The following FAM107B variants were observed in gnomAD, a reference collection of about 807,000 sequenced individuals.
FAM107B encodes protein FAM107B.
Under a neutral mutation model 31.5 loss-of-function variants are expected in FAM107B, and 21 were observed. The observed-to-expected ratio is 0.67, with a 90% CI of 0.47 to 0.96. FAM107B has a LOEUF of 0.96. Among genes scored for constraint, FAM107B ranks in the 40% least tolerant of loss-of-function variants. The pLI, the probability that FAM107B is intolerant of heterozygous loss-of-function variation, is 0.00. For missense variants in FAM107B, 452 were observed against 377.1 expected, an observed-to-expected ratio of 1.20 and a Z score of -1.64; for synonymous variants, 157 against 141.5, an observed-to-expected ratio of 1.11 and a Z score of -0.78.
chr10:14,628,112 GTTTTT>G (rs71505033), intron 2 of FAM107B, among the ~76,000 whole-genome samples: 2 of 92,688 alleles, frequency 2.2e-5, no homozygotes, highest in African/African-American at 7.7e-5. Context: ...TGTTTTGCTG[GTTTTT>G]TTTTTTTTTT....
intron 2 of FAM107B, among the ~76,000 whole-genome samples, chr10:14,600,486 A>C (rs1475636825): frequency 2.8e-5 from 4 of 145,250 alleles, no homozygotes; most frequent in Non-Finnish European, 6.0e-5. Flanking sequence ...CCACCCTGAC[A>C]TTTCCACCAT....
chr10:14,533,170 C>A (rs573196673), intron 2 of FAM107B, among the ~76,000 whole-genome samples: 1 of 152,134 alleles, frequency 6.6e-6, no homozygotes, highest in East Asian at 1.9e-4. Flanking sequence ...AGGTTTAGAA[C>A]GGGCTGCAGG....
At chr10:14,769,534 G>A (rs578177526) in intron 1 of FAM107B, among the ~76,000 whole-genome samples, 10 of 152,150 alleles carry the variant, frequency 6.6e-5, no homozygotes, top group Admixed American at 5.9e-4. Flanking sequence ...ACGGGCGCCC[G>A]CCACCACGAC....
In FAM107B at chr10:14,530,447, C is replaced by G. The variant is rs1168992062; in HGVS notation, c.538G>C (p.Asp180His). The change falls in exon 3 of 5, where the codon GAC (aspartate) becomes CAC (histidine). Residue 180 changes from aspartate to histidine, a missense_variant. Physicochemically the swap from Asp to His is moderately conservative, Grantham distance 81. Coordinates refer to ENST00000181796, the MANE Select transcript of FAM107B (RefSeq NM_031453.4). ...TCAGGATTGTCATCTTCTATGTAGTCTGGCTCGGCCATGATGCTTCTTGTA... is the reference window on the plus strand; with the variant it reads ...TCAGGATTGTCATCTTCTATGTAGTGTGGCTCGGCCATGATGCTTCTTGTA... ...LITRSIMAEPDYIEDDNPELI... is the reference protein window; with the variant it reads ...LITRSIMAEPHYIEDDNPELI... 1 of 1,614,106 alleles carries G rather than the reference C, an allele frequency of 6.2e-7. No individual in the cohort carries two copies. Among genetic ancestry groups the G allele is most frequent in the Admixed American group, 1.7e-5 (1 of 60,018 alleles).
intron 2 of FAM107B, among the ~76,000 whole-genome samples, chr10:14,617,398 A>C (rs1852881358): frequency 6.6e-6 from 1 of 152,226 alleles, no homozygotes; most frequent in Non-Finnish European, 1.5e-5. Context: ...AACTTGCAAC[A>C]GGAAGTGAGG....
intron 2 of FAM107B, among the ~76,000 whole-genome samples, chr10:14,559,071 T>C (rs1194667691): frequency 7.6e-6 from 1 of 131,786 alleles, no homozygotes; most frequent in Admixed American, 8.8e-5. Context: ...CAACCACGGC[T>C]CACACATCAA....
chr10:14,593,950 G>C (rs34410646), intron 2 of FAM107B, among the ~76,000 whole-genome samples: 4,304 of 152,270 alleles, frequency 0.028, 93 homozygotes, highest in East Asian at 0.12. Context: ...AGATAAACAT[G>C]TTGAAAAATG....
Position 14,774,535 on chromosome 10 carries a change from G to A in FAM107B, c.129C>T (p.Ser43=), listed in dbSNP as rs756520104. 2.4e-5 allele frequency: 38 copies of A among 1,614,058 alleles called. No individual in the cohort carries two copies. The highest frequency in any genetic ancestry group is 5.3e-5 in the African/African-American group (4 of 74,908). The part of the protein sequence containing the change: ...NTRESASFNQ[S]GVADTHSTVR... ...CGGTGGAATGAGTATCAGCCACGCC[G>A]GACTGATTGAAGGAAGCACTCTCCC... Residue 43 remains serine, a synonymous_variant, in exon 1 of 5, where the codon TCC becomes TCT. Transcript: ENST00000181796.
chr10:14,595,482 G>A (rs1272671708), intron 2 of FAM107B, among the ~76,000 whole-genome samples: 2 of 129,048 alleles, frequency 1.5e-5, no homozygotes, highest in Admixed American at 1.0e-4. Flanking sequence ...CTGGAGTACA[G>A]TGGTTCGAGC....
intron 2 of FAM107B, among the ~76,000 whole-genome samples, chr10:14,594,685 C>T (rs1036589551): frequency 4.6e-5 from 7 of 152,112 alleles, no homozygotes; most frequent in South Asian, 2.1e-4. Context: ...CTTAAAACCC[C>T]GAGCAAGCTT....
At chr10:14,637,512 A>G (rs1340217208) in intron 2 of FAM107B, among the ~76,000 whole-genome samples, 1 of 152,086 alleles carries the variant, frequency 6.6e-6, no homozygotes, top group African/African-American at 2.4e-5. Flanking sequence ...CTAACTTTTT[A>G]TGGTGCTTGT....
intron 2 of FAM107B, among the ~76,000 whole-genome samples, chr10:14,655,276 A>G (rs1429979557): frequency 6.6e-6 from 1 of 152,258 alleles, no homozygotes; most frequent in Non-Finnish European, 1.5e-5. Context: ...ACTGGGGATC[A>G]AATTTCAACA....
intron 1 of FAM107B, among the ~76,000 whole-genome samples, chr10:14,733,832 A>G (rs1175500336): frequency 1.3e-5 from 2 of 152,194 alleles, no homozygotes; most frequent in African/African-American, 4.8e-5. Flanking sequence ...AGCAAACCAC[A>G]CTGCTTCTCC....
intron 2 of FAM107B, among the ~76,000 whole-genome samples, chr10:14,620,586 G>A (rs2131402048): frequency 6.6e-6 from 1 of 151,998 alleles, no homozygotes; most frequent in African/African-American, 2.4e-5. Flanking sequence ...GAACATGCAG[G>A]TTTCTTACAT....
At chr10:14,772,500 C>T (rs1195900625) in intron 1 of FAM107B, among the ~76,000 whole-genome samples, 1 of 151,830 alleles carries the variant, frequency 6.6e-6, no homozygotes, top group Non-Finnish European at 1.5e-5. Context: ...GAATAGATGC[C>T]CATTTACCCA....
intron 1 of FAM107B, among the ~76,000 whole-genome samples, chr10:14,685,288 A>G (rs1174655185): frequency 2.6e-5 from 4 of 151,650 alleles, no homozygotes; most frequent in Admixed American, 1.3e-4. Context: ...AGCTAGGACT[A>G]CAGGTATGTA....
intron 2 of FAM107B, among the ~76,000 whole-genome samples, chr10:14,584,277 T>C (rs1026571611): frequency 6.6e-6 from 1 of 152,168 alleles, no homozygotes; most frequent in Non-Finnish European, 1.5e-5. Context: ...AAGATGAGGA[T>C]GCCAAGGGTC....
intron 2 of FAM107B, among the ~76,000 whole-genome samples, chr10:14,565,379 C>T (rs899261793): frequency 3.9e-5 from 6 of 152,028 alleles, no homozygotes; most frequent in South Asian, 4.1e-4. Flanking sequence ...CAGACATAGG[C>T]GCATGGGCTT....
chr10:14,674,755 G>A (rs959541997), intron 1 of FAM107B, among the ~76,000 whole-genome samples: 4 of 152,146 alleles, frequency 2.6e-5, no homozygotes, highest in Admixed American at 2.6e-4. Context: ...TTGAGACAGG[G>A]TCTCGCTCTC....
Sources: allele counts gnomAD v4.1 joint callset (sites outside exome capture counted in the v4.1 genomes callset), GRCh38; gene constraint gnomAD v4.1.1; transcripts MANE v1.5; gene names NCBI Gene and HGNC (gene_info 2026-07-23, HGNC 2026-07-21).